Variants in RBFOX1 observed in about 807,000 individuals in gnomAD.
RBFOX1 encodes RNA binding protein fox-1 homolog 1.
Under a neutral mutation model 57.7 loss-of-function variants are expected in RBFOX1, and 8 were observed. The observed-to-expected ratio is 0.14, with a 90% CI of 0.08 to 0.25. The LOEUF is 0.25. RBFOX1 is among the 10% of genes least tolerant of loss of function. The pLI, the probability that RBFOX1 is intolerant of heterozygous loss-of-function variation, is 1.00. For synonymous variants in RBFOX1, 326 were observed against 222.4 expected (o/e 1.47, Z -4.15); for missense variants, 611 against 548.5 (o/e 1.11, Z -1.14).
chr16:7,488,063 T>A (rs1269214913), intron 4 of RBFOX1, among the ~76,000 whole-genome samples: 1 of 152,110 alleles, frequency 6.6e-6, no homozygotes, highest in Non-Finnish European at 1.5e-5. Context: ...GGAGGTGATG[T>A]TTAATTAAAG....
chr16:7,591,180 T>A (rs541310124), intron 7 of RBFOX1, among the ~76,000 whole-genome samples: 1 of 152,196 alleles, frequency 6.6e-6, no homozygotes, highest in Non-Finnish European at 1.5e-5. Flanking sequence ...GAAAGAGGGA[T>A]GTGTCTCAGG....
In RBFOX1 at chr16:5,424,874, TTTTTCTTTCTTTC is replaced by T. The variant is rs1444778462; in HGVS notation, c.220-42338_220-42326del. On this transcript the variant is annotated intron_variant, in intron 1 of 2. Coordinates refer to the RBFOX1 transcript ENST00000585867. ...CTCTCTCTCTCTTCTTTCTTTCTTT[TTTTTCTTTCTTTC>T]TTTCTTTCTTTCTTTCTTTCTTTCT... Among the ~76,000 whole-genome samples the T allele has an allele frequency of 1.0e-3, 99 of 96,754 alleles. 1 individual carries two copies. The highest frequency in any genetic ancestry group is 3.3e-3 in the African/African-American group (85 of 25,576). 63.5% of individuals were successfully genotyped at this position (96,754 alleles called of 152,430 possible). A position where few individuals can be genotyped will look rare whatever the true frequency, so the allele number is the denominator to read the frequency against.
At chr16:6,011,439 A>G in intron 4 of RBFOX1, among the ~76,000 whole-genome samples, 1 of 152,086 alleles carries the variant, frequency 6.6e-6, no homozygotes, top group African/African-American at 2.4e-5. Flanking sequence ...TCAGACTGTT[A>G]AAGATTTAAA....
intron 4 of RBFOX1, among the ~76,000 whole-genome samples, chr16:7,334,351 GC>G (rs2096747174): frequency 1.3e-5 from 2 of 151,934 alleles, no homozygotes; most frequent in South Asian, 2.1e-4. Context: ...GTATACACAG[GC>G]CGGTATGATA....
intron 2 of RBFOX1, among the ~76,000 whole-genome samples, chr16:5,481,631 C>G (rs776866884): frequency 6.6e-6 from 1 of 152,212 alleles, no homozygotes; most frequent in African/African-American, 2.4e-5. Context: ...AAGTGCTTCA[C>G]TTTCCCTAAA....
chr16:5,587,089 C>T (rs1336302502), intron 2 of RBFOX1, among the ~76,000 whole-genome samples: 4 of 152,078 alleles, frequency 2.6e-5, no homozygotes, highest in East Asian at 3.9e-4. Flanking sequence ...GGACATGGCC[C>T]ATTGGTTATG....
At chr16:6,975,268 T>C (rs1021410182) in intron 3 of RBFOX1, among the ~76,000 whole-genome samples, 7 of 62,208 alleles carry the variant, frequency 1.1e-4, no homozygotes, top group African/African-American at 6.3e-4. Context: ...GTCCTTTTTT[T>C]ATTATTTTTT....
intron 5 of RBFOX1, among the ~76,000 whole-genome samples, chr16:7,567,253 A>ATATATATATCCCTATATATATCCC (rs1289614663): frequency 4.0e-4 from 17 of 42,158 alleles, no homozygotes; most frequent in African/African-American, 2.1e-3. Context: ...ATATATCCCT[A>ATATATATATCCCTATATATATCCC]TATATATATA....
intron 1 of RBFOX1, among the ~76,000 whole-genome samples, chr16:6,032,476 A>G (rs2095304908): frequency 6.6e-6 from 1 of 152,148 alleles, no homozygotes; most frequent in South Asian, 2.1e-4. Flanking sequence ...GAGGCTCTTG[A>G]GCTTTTTGTT....
intron 1 of RBFOX1, among the ~76,000 whole-genome samples, chr16:6,114,761 G>GCTTA (rs1165303512): frequency 6.6e-6 from 1 of 152,258 alleles, no homozygotes; most frequent in Admixed American, 6.5e-5. Flanking sequence ...AAAAGTTGGG[G>GCTTA]CTTAGCCTGG....
chr16:6,787,895 T>C (rs1603623780), intron 3 of RBFOX1, among the ~76,000 whole-genome samples: 1 of 152,140 alleles, frequency 6.6e-6, no homozygotes, highest in East Asian at 1.9e-4. Flanking sequence ...GTTTTAATAT[T>C]AATAGCCAAT....
chr16:6,644,753 C>G (rs913335196), intron 2 of RBFOX1, among the ~76,000 whole-genome samples: 6 of 152,136 alleles, frequency 3.9e-5, no homozygotes, highest in Admixed American at 1.3e-4. Context: ...GGCCCTGGAG[C>G]ACAGCAGCCT....
At chr16:5,389,518 C>G (rs1188035869) in intron 1 of RBFOX1, among the ~76,000 whole-genome samples, 1 of 152,078 alleles carries the variant, frequency 6.6e-6, no homozygotes, top group African/African-American at 2.4e-5. Flanking sequence ...AAAGTCACTC[C>G]AGCTGAAAAT....
At chr16:7,377,954 G>C (rs1361317202) in intron 4 of RBFOX1, among the ~76,000 whole-genome samples, 1 of 150,506 alleles carries the variant, frequency 6.6e-6, no homozygotes, top group African/African-American at 2.5e-5. Context: ...CAGGAAAGAA[G>C]ACAGCCAGGG....
At chr16:5,408,949 A>G (rs932201153) in intron 1 of RBFOX1, among the ~76,000 whole-genome samples, 1 of 152,202 alleles carries the variant, frequency 6.6e-6, no homozygotes, top group Non-Finnish European at 1.5e-5. Flanking sequence ...ACCAGGCCCT[A>G]CCTCTAATAC....
chr16:6,205,708 T>C (rs1335623161), intron 1 of RBFOX1, among the ~76,000 whole-genome samples: 1 of 152,102 alleles, frequency 6.6e-6, no homozygotes, highest in African/African-American at 2.4e-5. Flanking sequence ...CTCTTTTTTC[T>C]ATTTCTTTGT....
intron 2 of RBFOX1, among the ~76,000 whole-genome samples, chr16:6,566,983 C>G (rs976218963): frequency 6.6e-6 from 1 of 152,104 alleles, no homozygotes; most frequent in South Asian, 2.1e-4. Flanking sequence ...GACTACCTGT[C>G]CCAGCTTAAA....
chr16:7,120,277 CTA>C lies in RBFOX1; in HGVS notation c.27+68181_27+68182del, dbSNP rs201274009. Among the ~76,000 whole-genome samples, 1,036 of 142,632 alleles carry C rather than the reference CTA, an allele frequency of 7.3e-3. 4 individuals are homozygous for C. Among genetic ancestry groups the C allele is most frequent in the African/African-American group, 0.027 (983 of 36,988 alleles). 93.6% of individuals were successfully genotyped at this position (142,632 alleles called of 152,430 possible). ...CAATGTAAGTGCATATCATAAGAGA[CTA>C]TTAAAAAAAGCAAATCAAAAACTAA... is the stretch of plus-strand genomic sequence containing the variant. On this transcript the variant is annotated intron_variant, in intron 4 of 15. Transcript: ENST00000550418.
At chr16:7,420,264 T>C (rs991755449) in intron 4 of RBFOX1, among the ~76,000 whole-genome samples, 1 of 152,148 alleles carries the variant, frequency 6.6e-6, no homozygotes, top group African/African-American at 2.4e-5. Context: ...TCTCGTCCTA[T>C]TAGATTTTAA....
Sources: gnomAD v4.1 joint callset for allele counts (sites outside exome capture counted in the v4.1 genomes callset) on GRCh38, gnomAD v4.1.1 for gene constraint, MANE v1.5 for transcripts, NCBI Gene and HGNC (gene_info 2026-07-23, HGNC 2026-07-21) for gene names.